Variants in CSMD1 observed in about 807,000 individuals in gnomAD.
CSMD1 encodes CUB and Sushi multiple domains 1.
Under a neutral mutation model 417.5 loss-of-function variants are expected in CSMD1, and 213 were observed. That is an observed-to-expected ratio of 0.51 (90% CI 0.46 to 0.57). The LOEUF is 0.57. Ranked by LOEUF, CSMD1 falls within the 20% of genes least tolerant of loss-of-function variation. The pLI is 0.00. For missense variants in CSMD1, 6,923 were observed against 4,529.7 expected, an observed-to-expected ratio of 1.53 and a Z score of -15.17; for synonymous variants, 2,862 against 1,736.8, an observed-to-expected ratio of 1.65 and a Z score of -16.11.
At position 4,414,919 on chromosome 8, in the gene CSMD1, A is replaced by C. The variant is rs80048280; in HGVS notation, c.415+5034T>G. On this transcript the variant is annotated intron_variant, in intron 3 of 69. Coordinates refer to ENST00000635120, the MANE Select transcript of CSMD1 (RefSeq NM_033225.6). Reference sequence around the variant, plus strand: ...TAAGTGCTCTGGGAATTCAGAATTCATTTAATCCATGTTCTGTCTTCTCCC... The same window carrying C: ...TAAGTGCTCTGGGAATTCAGAATTCCTTTAATCCATGTTCTGTCTTCTCCC... Among the ~76,000 whole-genome samples the C allele has an allele frequency of 6.0e-3, 909 of 152,274 alleles. 39 individuals carry two copies. In the East Asian group the frequency reaches 0.096, roughly 16 times the overall value.
intron 4 of CSMD1, among the ~76,000 whole-genome samples, chr8:4,023,681 G>C (rs945190664): frequency 2.0e-5 from 3 of 150,692 alleles, no homozygotes; most frequent in South Asian, 4.2e-4. Context: ...CCGCCTCCAG[G>C]GTTCACGCCA....
chr8:4,219,394 A>G (rs1800883103), intron 3 of CSMD1, among the ~76,000 whole-genome samples: 1 of 152,226 alleles, frequency 6.6e-6, no homozygotes. Context: ...ATAAATATTT[A>G]TAAAATTAAT....
chr8:3,915,290 C>T (rs938169508), intron 5 of CSMD1, among the ~76,000 whole-genome samples: 3 of 150,980 alleles, frequency 2.0e-5, no homozygotes, highest in African/African-American at 4.9e-5. Context: ...CCTGTAGTCT[C>T]AGCTATTCAG....
intron 2 of CSMD1, among the ~76,000 whole-genome samples, chr8:4,455,266 T>A (rs527253091): frequency 6.6e-6 from 1 of 152,032 alleles, no homozygotes; most frequent in Non-Finnish European, 1.5e-5. Context: ...TTAAAAAAAA[T>A]AGGAGAAGGA....
chr8:3,216,528 T>G (rs1413043221), intron 29 of CSMD1, among the ~76,000 whole-genome samples: 1 of 152,246 alleles, frequency 6.6e-6, no homozygotes, highest in Admixed American at 6.5e-5. Context: ...AAATATCACC[T>G]ACACAACTTT....
chr8:2,981,622 T>C (rs1055372001), intron 54 of CSMD1, among the ~76,000 whole-genome samples: 1 of 152,100 alleles, frequency 6.6e-6, no homozygotes, highest in Admixed American at 6.6e-5. Flanking sequence ...ATGTCTTATA[T>C]ACATACAGCT....
At chr8:4,206,006 C>T (rs546585650) in intron 3 of CSMD1, among the ~76,000 whole-genome samples, 3 of 152,220 alleles carry the variant, frequency 2.0e-5, no homozygotes, top group East Asian at 1.9e-4. Context: ...CTTTCTCTTT[C>T]TTCAGAAACT....
At chr8:3,870,815 A>G (rs976069564) in intron 5 of CSMD1, among the ~76,000 whole-genome samples, 41 of 152,168 alleles carry the variant, frequency 2.7e-4, no homozygotes, top group African/African-American at 8.0e-4. Context: ...AAACATACAC[A>G]GGAGAGAAAG....
intron 18 of CSMD1, among the ~76,000 whole-genome samples, chr8:3,376,461 G>C (rs560962511): frequency 1.3e-5 from 2 of 151,806 alleles, no homozygotes; most frequent in South Asian, 4.2e-4. Flanking sequence ...TAATAAAAAA[G>C]ATAATTAAAA....
intron 3 of CSMD1, among the ~76,000 whole-genome samples, chr8:4,258,324 G>C (rs1202198142): frequency 1.2e-5 from 1 of 84,000 alleles, no homozygotes; most frequent in Admixed American, 1.5e-4. Context: ...AGGAGAGGGA[G>C]AAAGAGAGGG....
At chr8:4,486,144 T>C (rs1300139725) in intron 2 of CSMD1, among the ~76,000 whole-genome samples, 3 of 26,844 alleles carry the variant, frequency 1.1e-4, no homozygotes, top group African/African-American at 2.7e-4. Context: ...TATACATACA[T>C]ATATATATAT....
At chr8:4,281,768 G>A (rs1327490841) in intron 3 of CSMD1, among the ~76,000 whole-genome samples, 4 of 152,158 alleles carry the variant, frequency 2.6e-5, no homozygotes, top group South Asian at 4.2e-4. Context: ...AATACATAAA[G>A]GAATAAAGTG....
At chr8:3,739,600 A>C (rs17067281) in intron 6 of CSMD1, among the ~76,000 whole-genome samples, 1,962 of 152,290 alleles carry the variant, frequency 0.013, 41 homozygotes, top group African/African-American at 0.043. Flanking sequence ...AAACTAACAC[A>C]TTAAGTCTCT....
chr8:3,981,773 C>T (rs569348192), intron 5 of CSMD1, among the ~76,000 whole-genome samples: 3 of 152,258 alleles, frequency 2.0e-5, no homozygotes, highest in South Asian at 2.1e-4. Context: ...ACAGGCTGTG[C>T]GCTTCACAAA....
chr8:4,520,287 A>C (rs1803370178), intron 2 of CSMD1, among the ~76,000 whole-genome samples: 1 of 152,080 alleles, frequency 6.6e-6, no homozygotes, highest in South Asian at 2.1e-4. Context: ...TACTCCCCAA[A>C]CTTCAGTTTC....
chr8:4,463,649 C>G (rs960466310), intron 2 of CSMD1, among the ~76,000 whole-genome samples: 1 of 152,114 alleles, frequency 6.6e-6, no homozygotes, highest in Non-Finnish European at 1.5e-5. Context: ...GAGCTAGTCA[C>G]AAAACACATT....
intron 12 of CSMD1, among the ~76,000 whole-genome samples, chr8:3,452,664 A>G (rs1815818592): frequency 6.6e-6 from 1 of 152,200 alleles, no homozygotes; most frequent in African/African-American, 2.4e-5. Context: ...CCAGGGATGA[A>G]ACCCACTTGA....
intron 36 of CSMD1, among the ~76,000 whole-genome samples, chr8:3,185,893 G>C (rs1275705046): frequency 1.3e-5 from 2 of 152,190 alleles, no homozygotes; most frequent in Non-Finnish European, 1.5e-5. Flanking sequence ...CAATATCTGA[G>C]TGTAGAGAAA....
At chr8:4,334,599 C>G (rs1045242346) in intron 3 of CSMD1, among the ~76,000 whole-genome samples, 20 of 152,120 alleles carry the variant, frequency 1.3e-4, no homozygotes, top group African/African-American at 4.1e-4. Flanking sequence ...TTTTATTTCT[C>G]TATCTGTATT....
Sources: allele counts gnomAD v4.1 joint callset (sites outside exome capture counted in the v4.1 genomes callset), GRCh38; gene constraint gnomAD v4.1.1; transcripts MANE v1.5; gene names NCBI Gene and HGNC (gene_info 2026-07-23, HGNC 2026-07-21).